HNF4G: variants seen among roughly 807,000 people sequenced by gnomAD.
HNF4G encodes the protein hepatocyte nuclear factor 4 gamma, also known as hepatocyte nuclear factor 4-gamma.
In HNF4G, 21 loss-of-function variants were observed where a neutral mutation model predicts 50.9. That is an observed-to-expected ratio of 0.41 (90% CI 0.29 to 0.59). HNF4G has a LOEUF of 0.59. Ranked by LOEUF, HNF4G falls within the 20% of genes least tolerant of loss-of-function variation. The pLI is 0.26. For synonymous variants in HNF4G, 198 were observed against 185.6 expected, an observed-to-expected ratio of 1.07 and a Z score of -0.54; for missense variants, 527 against 559.4, an observed-to-expected ratio of 0.94 and a Z score of 0.58.
intron 1 of HNF4G, among the ~76,000 whole-genome samples, chr8:75,481,280 G>A (rs542021419): frequency 6.6e-6 from 1 of 152,106 alleles, no homozygotes; most frequent in Non-Finnish European, 1.5e-5. Flanking sequence ...CTATACTTGA[G>A]TCAGACACAG....
At chr8:75,559,412 T>C (rs1807240549) in intron 8 of HNF4G, among the ~76,000 whole-genome samples, 1 of 152,138 alleles carries the variant, frequency 6.6e-6, no homozygotes, top group African/African-American at 2.4e-5. Context: ...TAGCTGGGAC[T>C]ACAGGCACAC....
intron 2 of HNF4G, among the ~76,000 whole-genome samples, chr8:75,502,421 T>C (rs1187227923): frequency 6.6e-6 from 1 of 152,192 alleles, no homozygotes; most frequent in Non-Finnish European, 1.5e-5. Context: ...GTTTATAGCA[T>C]ATTTTAGGTA....
chr8:75,433,274 G>A (rs939665676), intron 1 of HNF4G, among the ~76,000 whole-genome samples: 1 of 152,038 alleles, frequency 6.6e-6, no homozygotes. Context: ...CAGGCATGGT[G>A]ATGTGCACCC....
intron 1 of HNF4G, among the ~76,000 whole-genome samples, chr8:75,479,337 C>A (rs1430943544): frequency 6.6e-6 from 1 of 152,122 alleles, no homozygotes; most frequent in Non-Finnish European, 1.5e-5. Context: ...GCATATTTTG[C>A]AGATAATACG....
intron 1 of HNF4G, among the ~76,000 whole-genome samples, chr8:75,427,295 A>G (rs73341186): frequency 0.013 from 2,006 of 152,184 alleles, 39 homozygotes; most frequent in African/African-American, 0.046. Flanking sequence ...AATTAAGAAT[A>G]GGCTAGGCAT....
chr8:75,451,076 G>A (rs1268425246), intron 1 of HNF4G, among the ~76,000 whole-genome samples: 1 of 152,168 alleles, frequency 6.6e-6, no homozygotes, highest in Non-Finnish European at 1.5e-5. Flanking sequence ...AACAGACTGA[G>A]ACAATTAGTA....
intron 3 of HNF4G, among the ~76,000 whole-genome samples, chr8:75,549,439 G>C (rs1051315638): frequency 2.0e-4 from 30 of 151,650 alleles, no homozygotes; most frequent in African/African-American, 7.3e-4. Context: ...GTCAGTTTAG[G>C]TTAAAAATCA....
chr8:75,508,701 C>T (rs1194314124), intron 2 of HNF4G, among the ~76,000 whole-genome samples: 1 of 152,074 alleles, frequency 6.6e-6, no homozygotes, highest in Non-Finnish European at 1.5e-5. Context: ...AGGGGAAAGA[C>T]AGGAGCCGTA....
intron 1 of HNF4G, among the ~76,000 whole-genome samples, chr8:75,444,104 A>T (rs1277731891): frequency 6.6e-6 from 1 of 152,138 alleles, no homozygotes; most frequent in Non-Finnish European, 1.5e-5. Flanking sequence ...ACAAGCCAGA[A>T]GAGAGTGGGG....
intron 1 of HNF4G, among the ~76,000 whole-genome samples, chr8:75,463,399 T>C (rs1811897459): frequency 6.6e-6 from 1 of 152,204 alleles, no homozygotes. Context: ...TTCTTTAGAA[T>C]GTTACCTTAT....
At chr8:75,506,097 A>G (rs1813071711) in intron 2 of HNF4G, among the ~76,000 whole-genome samples, 1 of 151,992 alleles carries the variant, frequency 6.6e-6, no homozygotes, top group Non-Finnish European at 1.5e-5. Context: ...GTAATTTAAC[A>G]TTAGGCATAT....
chr8:75,487,786 T>C (rs1812529685), intron 1 of HNF4G, among the ~76,000 whole-genome samples: 1 of 152,200 alleles, frequency 6.6e-6, no homozygotes, highest in African/African-American at 2.4e-5. Flanking sequence ...CACACTGCTA[T>C]AAGGACATAC....
chr8:75,445,772 A>G (rs1811411217), intron 1 of HNF4G, among the ~76,000 whole-genome samples: 1 of 146,016 alleles, frequency 6.8e-6, no homozygotes, highest in Non-Finnish European at 1.5e-5. Context: ...AGGAGCTGAA[A>G]TTGTGGCAAT....
intron 2 of HNF4G, among the ~76,000 whole-genome samples, chr8:75,526,056 G>A (rs1200533544): frequency 1.3e-5 from 2 of 151,920 alleles, no homozygotes; most frequent in African/African-American, 4.8e-5. Context: ...AAATAGAACC[G>A]ATCTTCATTA....
At chr8:75,487,227 T>C (rs1812519248) in intron 1 of HNF4G, among the ~76,000 whole-genome samples, 2 of 152,152 alleles carry the variant, frequency 1.3e-5, no homozygotes, top group South Asian at 2.1e-4. Flanking sequence ...CATGTAATTG[T>C]ATGTGTAGAT....
chr8:75,447,046 A>G (rs1459543721), intron 1 of HNF4G, among the ~76,000 whole-genome samples: 1 of 144,296 alleles, frequency 6.9e-6, no homozygotes, highest in Non-Finnish European at 1.5e-5. Context: ...ACAAGGCTAC[A>G]GTAACCAAAA....
chr8:75,542,535 G>GAAA (rs71567128), intron 1 of HNF4G, among the ~76,000 whole-genome samples: 12 of 80,476 alleles, frequency 1.5e-4, no homozygotes, highest in Non-Finnish European at 2.5e-4. Context: ...CAATGACGAC[G>GAAA]AAAAAAAAAA....
intron 1 of HNF4G, among the ~76,000 whole-genome samples, chr8:75,461,929 T>G (rs1294361792): frequency 1.6e-5 from 2 of 125,868 alleles, no homozygotes; most frequent in Non-Finnish European, 3.4e-5. Flanking sequence ...TATATATATA[T>G]TTTTTTAGAT....
intron 2 of HNF4G, among the ~76,000 whole-genome samples, chr8:75,518,942 A>G (rs931016374): frequency 1.4e-4 from 22 of 152,066 alleles, no homozygotes; most frequent in Non-Finnish European, 1.5e-5. Flanking sequence ...CGTACTGAAA[A>G]TTTTCTGAAC....
Sources: allele counts gnomAD v4.1 joint callset (sites outside exome capture counted in the v4.1 genomes callset), GRCh38; gene constraint gnomAD v4.1.1; transcripts MANE v1.5; gene names NCBI Gene and HGNC (gene_info 2026-07-23, HGNC 2026-07-21).